ZXDC: variants seen among roughly 807,000 people sequenced by gnomAD.
ZXDC encodes the protein zinc finger protein ZXDC.
In ZXDC, 58 loss-of-function variants were observed where a neutral mutation model predicts 63.6. That is an observed-to-expected ratio of 0.91 (90% CI 0.74 to 1.13). The LOEUF (loss-of-function observed/expected upper bound fraction) is 1.13, where lower values mean the gene tolerates loss of function less well. ZXDC is among the 50% of genes most tolerant of loss of function. ZXDC has a pLI of 0.00. For missense variants in ZXDC, 1,133 were observed against 1,148.9 expected, an observed-to-expected ratio of 0.99 and a Z score of 0.20; for synonymous variants, 561 against 496.1, an observed-to-expected ratio of 1.13 and a Z score of -1.74.
chr3:126,438,306 C>T lies in ZXDC; in HGVS notation c.*69G>A. ...AAACCAAATGAGGTCTCCCCAGGCT[C>T]ATGTCATGAGTCTCAGGGAAGGTGT... On this transcript the variant is annotated 3_prime_UTR_variant, in exon 10 of 10. Coordinates refer to ENST00000389709, the MANE Select transcript of ZXDC (RefSeq NM_025112.5). The T allele has an allele frequency of 7.3e-7, 1 of 1,369,964 alleles. No individual in the cohort carries two copies. Among genetic ancestry groups the T allele is most frequent in the Non-Finnish European group, 1.0e-6 (1 of 977,160 alleles). The allele number at this position is 1,369,964 out of a possible 1,614,324, so 84.9% of individuals were successfully genotyped here. A position where few individuals can be genotyped will look rare whatever the true frequency, so the allele number is the denominator to read the frequency against.
rs1030999563 is a variant in ZXDC at position 126,458,233 on chromosome 3, C to G, written c.2212+1420G>C. Among the ~76,000 whole-genome samples the G allele has an allele frequency of 3.4e-5, 4 of 118,616 alleles. No individual in the cohort carries two copies. In the South Asian group the frequency reaches 9.2e-4, roughly 27 times the overall value. 77.8% of individuals were successfully genotyped at this position (118,616 alleles called of 152,430 possible). ...GATGGCTATAATTTTTTTTAATGTC[C>G]TTACTTTTTTTTTTTTTTTTTGAAA... On this transcript the variant is annotated intron_variant, in intron 7 of 9. Transcript: ENST00000389709.
At chr3:126,454,952 G>C (rs1934248786) in intron 7 of ZXDC, 4 of 985,314 alleles carry the variant, frequency 4.1e-6, no homozygotes, top group South Asian at 9.4e-5. Context: ...GATTTCAAAT[G>C]CTATTGCTCA....
At chr3:126,446,129 A>G (rs769165821) in intron 7 of ZXDC, among the ~76,000 whole-genome samples, 3 of 152,226 alleles carry the variant, frequency 2.0e-5, no homozygotes, top group Admixed American at 6.5e-5. Flanking sequence ...GAACAAGGTA[A>G]CAACACCGAA....
Position 126,475,158 on chromosome 3 carries a change from C to T in ZXDC, c.708G>A (p.Arg236=). 2 of 1,606,024 alleles carry T rather than the reference C, an allele frequency of 1.2e-6. No homozygotes were observed. The highest frequency in any genetic ancestry group is 1.7e-6 in the Non-Finnish European group (2 of 1,176,334). ...AGCCGCCCACTGGACAGCCGAAGGG[C>T]CGCAGCTTGTCGTGCGACTGCAGGT... ...KRHLQSHDKL[R]PFGCPVGGCG... The change falls in exon 1 of 10, where the codon CGG becomes CGA. Residue 236 remains arginine, a synonymous_variant. Coordinates refer to ENST00000389709, the MANE Select transcript of ZXDC (RefSeq NM_025112.5).
chr3:126,440,626 C>G (rs1374395700), intron 8 of ZXDC: 1 of 986,310 alleles, frequency 1.0e-6, no homozygotes, highest in East Asian at 1.1e-4. Flanking sequence ...TTGGATGGTC[C>G]TCCCCCTCCC....
intron 7 of ZXDC, chr3:126,453,274 T>C: frequency 3.0e-6 from 3 of 985,482 alleles, no homozygotes; most frequent in Admixed American, 6.1e-5. Context: ...ATTTACTTAA[T>C]GCTTTTTTTA....
At chr3:126,459,833 T>C (rs1405354099) in intron 6 of ZXDC, 96 bp from the exon 7 acceptor site, 5 of 1,597,094 alleles carry the variant, frequency 3.1e-6, no homozygotes, top group African/African-American at 1.3e-5. Flanking sequence ...TTCTGGGACA[T>C]ATCCGAGCTC....
chr3:126,453,969 A>ATG lies in ZXDC; in HGVS notation c.2212+5682_2212+5683dup, dbSNP rs532458212. On this transcript the variant is annotated intron_variant, in intron 7 of 9. Transcript: ENST00000389709. ...TCAGAAAACATAGTACTGCCTATACATGTATATATATATGTGTACATATAG... is the reference window on the plus strand; with the variant it reads ...TCAGAAAACATAGTACTGCCTATACATGTGTATATATATATGTGTACATATAG... 782 of 959,988 alleles carry ATG rather than the reference A, an allele frequency of 8.1e-4. 7 individuals are homozygous for ATG. The African/African-American group carries it at 0.013, about 16-fold the overall frequency. 59.5% of individuals were successfully genotyped at this position (959,988 alleles called of 1,614,324 possible). A position where few individuals can be genotyped will look rare whatever the true frequency, so the allele number is the denominator to read the frequency against.
chr3:126,445,315 T>C (rs192562229), intron 7 of ZXDC, among the ~76,000 whole-genome samples: 3 of 152,202 alleles, frequency 2.0e-5, no homozygotes, highest in East Asian at 1.9e-4. Flanking sequence ...CTACGAGAGA[T>C]GTCCATCCAT....
Position 126,471,962 on chromosome 3 carries a change from G to GT in ZXDC, c.1139+10dup. On this transcript the variant is annotated intron_variant, in intron 3 of 9. Transcript: ENST00000389709. ...CAAACCTGATAATGCAAACCAAAAT[G>GT]TAAGGATTACCTTCTGTGCCTTAGA... is the stretch of plus-strand genomic sequence containing the variant. 6.2e-7 allele frequency: 1 copy of GT among 1,602,518 alleles called. No homozygotes were observed. The highest frequency in any genetic ancestry group is 8.5e-7 in the Non-Finnish European group (1 of 1,175,138).
chr3:126,440,884 C>A (rs770243429), intron 8 of ZXDC: 95 of 985,602 alleles, frequency 9.6e-5, no homozygotes, highest in Admixed American at 6.1e-4. Flanking sequence ...TGGCGAGACT[C>A]TCCCAGGACT....
rs976468604 is a variant in ZXDC at position 126,461,943 on chromosome 3, A to G, written c.1719T>C (p.Asp573=). The change falls in exon 6 of 10, where the codon GAT becomes GAC. Residue 573 remains aspartate, a synonymous_variant. Coordinates refer to ENST00000389709, the MANE Select transcript of ZXDC (RefSeq NM_025112.5). ...GAGGGCTGTCCAGGCTTGGGGGAAT[A>G]TCACTGTGGGCCACCAGGACCAGGG... ...MEPLVLVAHS[D]IPPSLDSPLV... is the part of the protein sequence containing the mutation. The G allele has an allele frequency of 6.2e-7, 1 of 1,613,870 alleles. No individual in the cohort carries two copies. The highest frequency in any genetic ancestry group is 1.3e-5 in the African/African-American group (1 of 74,842).
chr3:126,457,535 AC>A, intron 7 of ZXDC: 3 of 985,448 alleles, frequency 3.0e-6, no homozygotes, highest in Non-Finnish European at 3.6e-6. Flanking sequence ...CCTAGCAGGT[AC>A]CAGGTTTCCA....
At chr3:126,453,378 T>C in intron 7 of ZXDC, 1 of 985,436 alleles carries the variant, frequency 1.0e-6, no homozygotes, top group African/African-American at 1.7e-5. Flanking sequence ...TTTCTAAATC[T>C]GAATAAGCTG....
At position 126,459,071 on chromosome 3, in the gene ZXDC, G is replaced by C. The variant is rs934427906; in HGVS notation, c.2212+582C>G. The C allele has an allele frequency of 6.1e-6, 6 of 985,232 alleles. No homozygotes were observed. The African/African-American group carries it at 1.0e-4, about 17-fold the overall frequency. The allele number at this position is 985,232 out of a possible 1,614,324, so 61.0% of individuals were successfully genotyped here. A position where few individuals can be genotyped will look rare whatever the true frequency, so the allele number is the denominator to read the frequency against. Reference sequence around the variant, plus strand: ...AATCCACTGTTAGTTTTTAGAAAAAGATTTAGCAGTTTCCATTAAGCACTA... The same window carrying C: ...AATCCACTGTTAGTTTTTAGAAAAACATTTAGCAGTTTCCATTAAGCACTA... On this transcript the variant is annotated intron_variant, in intron 7 of 9. Transcript: ENST00000389709.
intron 7 of ZXDC, chr3:126,450,148 G>A (rs1406297302): frequency 5.6e-6 from 2 of 359,138 alleles, no homozygotes; most frequent in African/African-American, 2.1e-5. Flanking sequence ...AGGGGTCTGA[G>A]ACCCTCACAG....
At chr3:126,452,599 G>C in intron 7 of ZXDC, 1 of 976,902 alleles carries the variant, frequency 1.0e-6, no homozygotes, top group Non-Finnish European at 1.2e-6. Context: ...AACAGATTTC[G>C]TAACATTAAA....
chr3:126,454,429 T>C (rs1484462385), intron 7 of ZXDC: 14 of 985,346 alleles, frequency 1.4e-5, no homozygotes, highest in Non-Finnish European at 1.7e-5. Context: ...CCATGCTTTT[T>C]CCTTGAATTC....
rs1029248760 is a variant in ZXDC at position 126,475,794 on chromosome 3, G to C, written c.72C>G (p.Leu24=). 9.1e-7 allele frequency: 1 copy of C among 1,101,326 alleles called. No homozygotes were observed. Among genetic ancestry groups the C allele is most frequent in the Admixed American group, 5.1e-5 (1 of 19,488 alleles). The allele number at this position is 1,101,326 out of a possible 1,614,324, so 68.2% of individuals were successfully genotyped here. ...CGCCGAGCGGCGCTGGGGCTCGGCGGAGCGGGCCGGGGCCGCCGCCATGTT... is the reference window on the plus strand; with the variant it reads ...CGCCGAGCGGCGCTGGGGCTCGGCGCAGCGGGCCGGGGCCGCCGCCATGTT... ...GGQHGGGPGP[L]RRAPAPLGAS... Residue 24 remains leucine, a synonymous_variant, in exon 1 of 10, where the codon CTC becomes CTG. Transcript: ENST00000389709.
Sources: allele counts gnomAD v4.1 joint callset (sites outside exome capture counted in the v4.1 genomes callset), GRCh38; gene constraint gnomAD v4.1.1; transcripts MANE v1.5; gene names NCBI Gene and HGNC (gene_info 2026-07-23, HGNC 2026-07-21).